The following ANXA10 variants were observed in gnomAD, a reference collection of about 807,000 sequenced individuals.
ANXA10 encodes the protein annexin A10, also known as annexin 14.
A neutral mutation model predicts 53.5 loss-of-function variants in ANXA10; 49 were observed. That is an observed-to-expected ratio of 0.92 (90% confidence interval 0.73 to 1.16). ANXA10 has a LOEUF of 1.16. Ranked by LOEUF, ANXA10 falls within the 50% of genes most tolerant of loss-of-function variation. The pLI, the probability that ANXA10 is intolerant of heterozygous loss-of-function variation, is 0.00. For missense variants in ANXA10, 393 were observed against 394.4 expected (o/e 1.00, Z 0.03); for synonymous variants, 131 against 128.9 (o/e 1.02, Z -0.11).
intron 3 of ANXA10, among the ~76,000 whole-genome samples, chr4:168,159,938 T>G (rs544911592): frequency 1.3e-5 from 2 of 152,202 alleles, no homozygotes; most frequent in African/African-American, 4.8e-5. Flanking sequence ...AAGTATTGCA[T>G]GTTTTTAAGT....
intron 1 of ANXA10, among the ~76,000 whole-genome samples, chr4:168,104,220 G>A (rs1159227668): frequency 6.6e-6 from 1 of 151,764 alleles, no homozygotes; most frequent in African/African-American, 2.4e-5. Context: ...TGAATGTTGT[G>A]CCAGTCCTGC....
At chr4:168,158,171 T>C (rs908625816) in intron 3 of ANXA10, among the ~76,000 whole-genome samples, 2 of 152,214 alleles carry the variant, frequency 1.3e-5, no homozygotes, top group Non-Finnish European at 2.9e-5. Context: ...CTAATTTCCA[T>C]TAGTGTCATG....
chr4:168,121,679 A>G (rs1054697022), intron 1 of ANXA10, among the ~76,000 whole-genome samples: 1 of 152,164 alleles, frequency 6.6e-6, no homozygotes, highest in Non-Finnish European at 1.5e-5. Context: ...TTGTTTTAGA[A>G]TATTAAAAAT....
intron 1 of ANXA10, among the ~76,000 whole-genome samples, chr4:168,112,044 C>A (rs1730816992): frequency 6.6e-6 from 1 of 152,062 alleles, no homozygotes; most frequent in African/African-American, 2.4e-5. Context: ...GTACTCCTAG[C>A]ACACTCTGGG....
chr4:168,118,853 A>G (rs1730940465), intron 1 of ANXA10, among the ~76,000 whole-genome samples: 1 of 152,220 alleles, frequency 6.6e-6, no homozygotes, highest in South Asian at 2.1e-4. Flanking sequence ...ATCAAGAAGC[A>G]AAAGTTATTA....
intron 11 of ANXA10, among the ~76,000 whole-genome samples, chr4:168,185,017 G>A (rs943373704): frequency 6.6e-6 from 1 of 152,154 alleles, no homozygotes; most frequent in African/African-American, 2.4e-5. Flanking sequence ...AGCCAGGTGT[G>A]GTGGCACACG....
intron 11 of ANXA10, among the ~76,000 whole-genome samples, chr4:168,186,038 G>A (rs1380927228): frequency 6.6e-6 from 1 of 152,152 alleles, no homozygotes; most frequent in African/African-American, 2.4e-5. Flanking sequence ...GAAATGCATG[G>A]CATAATTCAT....
chr4:168,105,829 A>G (rs1378330832), intron 1 of ANXA10, among the ~76,000 whole-genome samples: 3 of 152,092 alleles, frequency 2.0e-5, no homozygotes, highest in Non-Finnish European at 4.4e-5. Flanking sequence ...GTGAGATGAT[A>G]TCTTATTGTG....
Position 168,186,100 on chromosome 4 carries a change from C to T in ANXA10, c.907-1266C>T, listed in dbSNP as rs530118971. Among the ~76,000 whole-genome samples the T allele has an allele frequency of 6.6e-5, 10 of 152,212 alleles. No homozygotes were observed. In the South Asian group the frequency reaches 1.5e-3, roughly 22 times the overall value. On this transcript the variant is annotated intron_variant, in intron 11 of 11. Transcript: ENST00000359299. Reference sequence around the variant, plus strand: ...GGCACTTATTATAATTAATCACAACCGACTCAAAGTCTGCTAATATGAAAA... The same window carrying T: ...GGCACTTATTATAATTAATCACAACTGACTCAAAGTCTGCTAATATGAAAA...
chr4:168,119,053 A>C (rs1259595421), intron 1 of ANXA10, among the ~76,000 whole-genome samples: 6 of 152,160 alleles, frequency 3.9e-5, no homozygotes, highest in South Asian at 4.1e-4. Flanking sequence ...CATTATCTAC[A>C]TGATTTTTAT....
At chr4:168,145,936 T>C (rs944709671) in intron 3 of ANXA10, among the ~76,000 whole-genome samples, 1 of 144,746 alleles carries the variant, frequency 6.9e-6, no homozygotes, top group African/African-American at 2.6e-5. Flanking sequence ...TTTTTTTTTT[T>C]CTTTGAGACA....
intron 2 of ANXA10, among the ~76,000 whole-genome samples, chr4:168,132,027 A>G (rs1731163832): frequency 6.6e-6 from 1 of 152,070 alleles, no homozygotes; most frequent in African/African-American, 2.4e-5. Context: ...TGTTTCTGGG[A>G]ATGTACGTTA....
intron 2 of ANXA10, among the ~76,000 whole-genome samples, chr4:168,129,026 T>C (rs1471606676): frequency 6.6e-6 from 1 of 152,066 alleles, no homozygotes; most frequent in African/African-American, 2.4e-5. Context: ...AAAACCTGTT[T>C]TAAGAAGACT....
chr4:168,111,352 T>A (rs1730803751), intron 1 of ANXA10, among the ~76,000 whole-genome samples: 1 of 152,180 alleles, frequency 6.6e-6, no homozygotes, highest in Non-Finnish European at 1.5e-5. Context: ...TTATCCTTTC[T>A]AGATTAATTT....
At chr4:168,167,368 T>C (rs2149478136) in intron 6 of ANXA10, among the ~76,000 whole-genome samples, 1 of 152,330 alleles carries the variant, frequency 6.6e-6, no homozygotes, top group Non-Finnish European at 1.5e-5. Context: ...AAATAGGCTT[T>C]GTGTTAGATA....
At chr4:168,132,391 T>G (rs1731168793) in intron 2 of ANXA10, among the ~76,000 whole-genome samples, 1 of 152,014 alleles carries the variant, frequency 6.6e-6, no homozygotes, top group South Asian at 2.1e-4. Context: ...AAACATTGCA[T>G]GTTCTCACTT....
intron 3 of ANXA10, among the ~76,000 whole-genome samples, chr4:168,148,006 T>C (rs1731432510): frequency 6.6e-6 from 1 of 152,130 alleles, no homozygotes; most frequent in African/African-American, 2.4e-5. Context: ...GAATTTCCAA[T>C]GGTTTTGGCC....
At chr4:168,156,395 A>G (rs1176464771) in intron 3 of ANXA10, among the ~76,000 whole-genome samples, 1 of 111,298 alleles carries the variant, frequency 9.0e-6, no homozygotes, top group Non-Finnish European at 1.7e-5. Context: ...TATATATTAT[A>G]TTATATATTA....
At chr4:168,163,338 G>A (rs910896060) in intron 4 of ANXA10, among the ~76,000 whole-genome samples, 4 of 152,098 alleles carry the variant, frequency 2.6e-5, no homozygotes, top group Non-Finnish European at 5.9e-5. Context: ...ATTCCAGTAC[G>A]ATGCTTGCCA....
Sources: allele counts gnomAD v4.1 joint callset (sites outside exome capture counted in the v4.1 genomes callset), GRCh38; gene constraint gnomAD v4.1.1; transcripts MANE v1.5; gene names NCBI Gene and HGNC (gene_info 2026-07-23, HGNC 2026-07-21).